The following PLD5 variants were observed in gnomAD, a reference collection of about 807,000 sequenced individuals.
PLD5 encodes inactive phospholipase D5.
A neutral mutation model predicts 61.1 loss-of-function variants in PLD5; 36 were observed. The ratio of observed to expected loss-of-function variants is 0.59; its 90% CI spans 0.45 to 0.78. The LOEUF (loss-of-function observed/expected upper bound fraction) is 0.78. Among genes scored for constraint, PLD5 ranks in the 30% least tolerant of loss-of-function variants. PLD5 has a pLI of 0.00. For synonymous variants in PLD5, 243 were observed against 242.8 expected, an observed-to-expected ratio of 1.00 and a Z score of -0.01; for missense variants, 515 against 644.4, an observed-to-expected ratio of 0.80 and a Z score of 2.17.
chr1:242,230,626 ATCT>A (rs1266414187), intron 4 of PLD5, among the ~76,000 whole-genome samples: 1 of 152,220 alleles, frequency 6.6e-6, no homozygotes, highest in African/African-American at 2.4e-5. Flanking sequence ...AAGGGTGAAA[ATCT>A]TCTGTCATGA....
chr1:242,237,576 T>G (rs1445566188), intron 4 of PLD5, among the ~76,000 whole-genome samples: 1 of 152,200 alleles, frequency 6.6e-6, no homozygotes, highest in Non-Finnish European at 1.5e-5. Context: ...GGTGTGGGTG[T>G]GAAGAGATCT....
At position 242,521,405 on chromosome 1, in the gene PLD5, CAT is replaced by C. The variant is rs374646591; in HGVS notation, c.189+2681_189+2682del. Among the ~76,000 whole-genome samples, 25 of 152,324 alleles carry C rather than the reference CAT, an allele frequency of 1.6e-4. No individual in the cohort carries two copies. In the East Asian group the frequency reaches 4.0e-3, roughly 25 times the overall value. Reference sequence around the variant, plus strand: ...TTCTTTGGTTGTCTGCTTTATCTCACATGATTGACTTTCAGATTAATCTATCC... The same window carrying C: ...TTCTTTGGTTGTCTGCTTTATCTCACGATTGACTTTCAGATTAATCTATCC... On this transcript the variant is annotated intron_variant, in intron 1 of 9. Coordinates refer to ENST00000536534, the MANE Select transcript of PLD5 (RefSeq NM_001372062.1).
chr1:242,116,215 C>T (rs926440634), intron 6 of PLD5, among the ~76,000 whole-genome samples: 5 of 152,184 alleles, frequency 3.3e-5, no homozygotes, highest in African/African-American at 1.2e-4. Context: ...ACTCCCTACA[C>T]TGCACAGTAG....
chr1:242,343,680 C>A (rs1239125102), intron 2 of PLD5, among the ~76,000 whole-genome samples: 1 of 151,478 alleles, frequency 6.6e-6, no homozygotes, highest in Admixed American at 6.6e-5. Context: ...TTATGAGGGC[C>A]TGGACCAATG....
At chr1:242,502,672 C>CGT (rs897969504) in intron 1 of PLD5, among the ~76,000 whole-genome samples, 4 of 151,556 alleles carry the variant, frequency 2.6e-5, no homozygotes, top group South Asian at 2.1e-4. Flanking sequence ...TGTGTATGTG[C>CGT]GTGTGTGTGT....
At chr1:242,361,242 A>T (rs538215284) in intron 1 of PLD5, among the ~76,000 whole-genome samples, 1 of 152,302 alleles carries the variant, frequency 6.6e-6, no homozygotes, top group East Asian at 1.9e-4. Context: ...TTTACCCAAG[A>T]AGAAAAATTC....
At chr1:242,488,555 AATACTG>A (rs1177127363) in intron 1 of PLD5, among the ~76,000 whole-genome samples, 3 of 152,210 alleles carry the variant, frequency 2.0e-5, no homozygotes, top group Non-Finnish European at 2.9e-5. Flanking sequence ...ATACAGTAAA[AATACTG>A]ATCATTAGTG....
rs1659378770 is a variant in PLD5, at chr1:242,084,753, T to G, written c.*5101A>C. 1 of 84,654 alleles carries G rather than the reference T, an allele frequency of 1.2e-5. No homozygotes were observed. The highest frequency in any genetic ancestry group is 7.7e-3 in the Middle Eastern group (1 of 130). The allele number at this position is 84,654 out of a possible 1,614,324, so 5.2% of individuals were successfully genotyped here. ...AGAATGAACATTTATTGGAAAGGTT[T>G]TTTTTTTTTTTTTTTTTTTTTTTTT... is the stretch of plus-strand genomic sequence containing the variant. On this transcript the variant is annotated 3_prime_UTR_variant, in exon 10 of 10. Coordinates refer to ENST00000536534, the MANE Select transcript of PLD5 (RefSeq NM_001372062.1).
chr1:242,348,911 G>A (rs1404974830), intron 1 of PLD5, among the ~76,000 whole-genome samples: 13 of 152,096 alleles, frequency 8.5e-5, no homozygotes, highest in African/African-American at 1.7e-4. Flanking sequence ...AAAATTAGCT[G>A]GGCGTGGTGG....
intron 4 of PLD5, among the ~76,000 whole-genome samples, chr1:242,253,471 G>A (rs1266240720): frequency 2.0e-5 from 3 of 151,700 alleles, no homozygotes; most frequent in African/African-American, 4.8e-5. Flanking sequence ...CTGCCACCAC[G>A]CCCGGCTAAT....
At chr1:242,419,000 CTAAA>C (rs67311824) in intron 1 of PLD5, among the ~76,000 whole-genome samples, 5,702 of 152,258 alleles carry the variant, frequency 0.037, 385 homozygotes, top group African/African-American at 0.13. Flanking sequence ...CCTTGTTCTT[CTAAA>C]TAAGTGGGAC....
chr1:242,471,008 G>T (rs1356252142), intron 1 of PLD5, among the ~76,000 whole-genome samples: 1 of 152,184 alleles, frequency 6.6e-6, no homozygotes, highest in East Asian at 1.9e-4. Context: ...CCCCTTCCAG[G>T]CCACAGTGGT....
intron 1 of PLD5, among the ~76,000 whole-genome samples, chr1:242,512,132 T>C (rs538441411): frequency 4.8e-4 from 72 of 151,484 alleles, no homozygotes; most frequent in Admixed American, 4.1e-3. Flanking sequence ...GTGGGTTTGG[T>C]TGGGTGCGGT....
intron 1 of PLD5, among the ~76,000 whole-genome samples, chr1:242,384,810 AAG>A (rs1198079435): frequency 2.0e-5 from 3 of 152,214 alleles, no homozygotes; most frequent in African/African-American, 7.2e-5. Context: ...CCTTTTGATG[AAG>A]CAGTACTCTC....
chr1:242,284,353 T>C (rs1323849844), intron 3 of PLD5, among the ~76,000 whole-genome samples: 5 of 151,832 alleles, frequency 3.3e-5, no homozygotes, highest in African/African-American at 4.8e-5. Flanking sequence ...GCCAGGCTGG[T>C]TTCAAACTCC....
intron 1 of PLD5, among the ~76,000 whole-genome samples, chr1:242,498,884 C>T (rs963688864): frequency 6.6e-6 from 1 of 152,172 alleles, no homozygotes; most frequent in South Asian, 2.1e-4. Context: ...TTGGAATGAA[C>T]ATTCTCAAAG....
At chr1:242,359,540 G>A (rs1660954169) in intron 1 of PLD5, among the ~76,000 whole-genome samples, 1 of 152,216 alleles carries the variant, frequency 6.6e-6, no homozygotes, top group South Asian at 2.1e-4. Context: ...GTTGGAGGGA[G>A]TGAAGACTGG....
At chr1:242,445,673 A>G (rs964733725) in intron 1 of PLD5, among the ~76,000 whole-genome samples, 1 of 150,954 alleles carries the variant, frequency 6.6e-6, no homozygotes, top group Non-Finnish European at 1.5e-5. Flanking sequence ...ATCCAGTCTG[A>G]TGTATTTTGT....
At chr1:242,230,907 T>C (rs1671258003) in intron 4 of PLD5, among the ~76,000 whole-genome samples, 1 of 152,222 alleles carries the variant, frequency 6.6e-6, no homozygotes, top group African/African-American at 2.4e-5. Context: ...ATGACTAGGA[T>C]ATTCTGCTTC....
Sources: gnomAD v4.1 joint callset for allele counts (sites outside exome capture counted in the v4.1 genomes callset) on GRCh38, gnomAD v4.1.1 for gene constraint, MANE v1.5 for transcripts, NCBI Gene and HGNC (gene_info 2026-07-23, HGNC 2026-07-21) for gene names.